AP3B2: variants seen among roughly 807,000 people sequenced by gnomAD.
AP3B2 encodes adaptor related protein complex 3 subunit beta 2.
In AP3B2, 50 loss-of-function variants were observed where a neutral mutation model predicts 126.9. The observed-to-expected ratio is 0.39, with a 90% confidence interval of 0.31 to 0.50. The LOEUF (loss-of-function observed/expected upper bound fraction) is 0.50, where lower values mean the gene tolerates loss of function less well. Among genes scored for constraint, AP3B2 ranks in the 20% least tolerant of loss-of-function variants. The pLI is 0.79. For missense variants in AP3B2, 1,177 were observed against 1,426.4 expected (o/e 0.83, Z 2.82); for synonymous variants, 541 against 565.0 (o/e 0.96, Z 0.60).
rs376550947 is a variant in AP3B2 at position 82,663,227 on chromosome 15, G to C, written c.2504C>G (p.Pro835Arg). ...ISLLDLEDFT[P>R]PSVQPVSPPA... ...GGGAGACACAGGCTGGACACTGGGA[G>C]GGGTGACTGTGGGAGTAGATAAGAC... The change falls in exon 22 of 27, where the codon CCT becomes CGT. Residue 835 changes from proline (P) to arginine (R), a missense_variant. Coordinates refer to ENST00000535359, the MANE Select transcript of AP3B2 (RefSeq NM_001278512.2). 2 of 1,612,360 alleles carry C rather than the reference G, an allele frequency of 1.2e-6. No homozygotes were observed. Among genetic ancestry groups the C allele is most frequent in the Non-Finnish European group, 8.5e-7 (1 of 1,179,232 alleles).
Position 82,662,908 on chromosome 15 carries a change from T to C in AP3B2, c.2619A>G (p.Val873=), listed in dbSNP as rs1330464152. ...GCAGCTCCTGCCGCCCAACACCCGATACTGGACTCAGAAGCTAGAGTGGAG... is the reference window on the plus strand; with the variant it reads ...GCAGCTCCTGCCGCCCAACACCCGACACTGGACTCAGAAGCTAGAGTGGAG... ...STLVPSLLSP[V]SGVGRQELLH... Residue 873 remains valine, a synonymous_variant, in exon 23 of 27, where the codon GTA becomes GTG. Transcript: ENST00000535359. 132 of 1,612,838 alleles carry C rather than the reference T, an allele frequency of 8.2e-5. 3 individuals carry two copies. In the Admixed American group the frequency reaches 2.2e-3, roughly 27 times the overall value.
rs2048346879 is a variant in AP3B2 at position 82,681,978 on chromosome 15, C to T, written c.361-398G>A. 6.6e-6 allele frequency among the ~76,000 whole-genome samples: 1 copy of T among 151,758 alleles called. No homozygotes were observed. Among genetic ancestry groups the T allele is most frequent in the Admixed American group, 6.6e-5 (1 of 15,218 alleles). On this transcript the variant is annotated intron_variant, in intron 4 of 26. Coordinates refer to ENST00000535359, the MANE Select transcript of AP3B2 (RefSeq NM_001278512.2). The surrounding 1 kb of genome is among the most constrained non-coding windows in gnomAD (Gnocchi z 4.0). ...GGAGTTCAACCTTACACTCCTTTCT[C>T]CCAGAAATCATTGCAAAAGCTGCTG... is the stretch of plus-strand genomic sequence containing the variant.
chr15:82,690,639 CTTCTTTTTT>C (rs2048511867), intron 1 of AP3B2, among the ~76,000 whole-genome samples: 1 of 103,456 alleles, frequency 9.7e-6, no homozygotes, highest in Non-Finnish European at 2.0e-5. Context: ...ACATTTTCTT[CTTCTTTTTT>C]TTTTTTTTTT....
In AP3B2 at chr15:82,663,124, C is replaced by G. The variant is rs1179736582; in HGVS notation, c.2604+3G>C. The G allele has an allele frequency of 6.2e-7, 1 of 1,606,918 alleles. No homozygotes were observed. ...GCCCGGTCCCCTCCTCCATCCCACT[C>G]ACCGACGGTACCAGGGTGGAGTCTG... On this transcript the variant is annotated splice_donor_region_variant and intron_variant, in intron 22 of 26. Coordinates refer to ENST00000535359, the MANE Select transcript of AP3B2 (RefSeq NM_001278512.2).
At chr15:82,702,190 C>A (rs1038525086) in intron 1 of AP3B2, among the ~76,000 whole-genome samples, 2 of 152,166 alleles carry the variant, frequency 1.3e-5, no homozygotes, top group African/African-American at 4.8e-5. Context: ...TCTCCTGGAA[C>A]CCAAATCGTA....
Position 82,689,335 on chromosome 15 carries a change from C to T in AP3B2, c.189+43G>A, listed in dbSNP as rs745320681. ...AGCTAAGGAGAGCTGCTCTTGGCCA[C>T]CCAGGCCCCGCCCGGAGGGAGGCCT... On this transcript the variant is annotated intron_variant, in intron 2 of 26. Coordinates refer to ENST00000535359, the MANE Select transcript of AP3B2 (RefSeq NM_001278512.2). The T allele has an allele frequency of 3.1e-6, 5 of 1,612,512 alleles. No individual in the cohort carries two copies. The South Asian group carries it at 5.5e-5, about 18-fold the overall frequency.
At chr15:82,706,540 A>AT (rs1000808903) in intron 1 of AP3B2, among the ~76,000 whole-genome samples, 1 of 152,214 alleles carries the variant, frequency 6.6e-6, no homozygotes, top group African/African-American at 2.4e-5. Context: ...ACTTATGCTG[A>AT]TAAGGTAGCT....
rs1380510503 is a variant in AP3B2, at chr15:82,679,830, C to T, written c.1111-30G>A. 3 of 1,604,268 alleles carry T rather than the reference C, an allele frequency of 1.9e-6. No homozygotes were observed. The South Asian group carries it at 3.3e-5, about 18-fold the overall frequency. On this transcript the variant is annotated intron_variant, in intron 9 of 26. Transcript: ENST00000535359. Reference sequence around the variant, plus strand: ...CACAAGAGAGGCAGCTAGGGAGCTCCACCGAAGCCCCAGGCCTGCCTCGCT... The same window carrying T: ...CACAAGAGAGGCAGCTAGGGAGCTCTACCGAAGCCCCAGGCCTGCCTCGCT...
At position 82,664,516 on chromosome 15, in the gene AP3B2, C is replaced by A; in HGVS notation, c.2138-26G>T. ...CTGTGGAGGAACAATATGAGGCCTC[C>A]TCCCTCATATGCAGGCCTCCTTGGG... On this transcript the variant is annotated intron_variant, in intron 18 of 26. Coordinates refer to ENST00000535359, the MANE Select transcript of AP3B2 (RefSeq NM_001278512.2). The surrounding 1 kb of genome is among the most constrained non-coding windows in gnomAD (Gnocchi z 4.5). The A allele has an allele frequency of 6.2e-7, 1 of 1,603,400 alleles. No individual in the cohort carries two copies.
intron 4 of AP3B2, among the ~76,000 whole-genome samples, chr15:82,683,048 T>C (rs1006502245): frequency 1.6e-4 from 6 of 36,686 alleles, no homozygotes; most frequent in African/African-American, 1.4e-3. Context: ...GCACCAGGAG[T>C]TTTTTTTTTT....
chr15:82,673,087 T>TA (rs1218612354), intron 14 of AP3B2, among the ~76,000 whole-genome samples: 1 of 152,216 alleles, frequency 6.6e-6, no homozygotes, highest in Non-Finnish European at 1.5e-5. Flanking sequence ...TCTCGACCCA[T>TA]AGACACTGAG....
rs2048272924 is a variant in AP3B2, at chr15:82,678,025, A to C, written c.1245+80T>G. 3 of 1,514,530 alleles carry C rather than the reference A, an allele frequency of 2.0e-6. No homozygotes were observed. The Admixed American group carries it at 5.4e-5, about 27-fold the overall frequency. 93.8% of individuals were successfully genotyped at this position (1,514,530 alleles called of 1,614,324 possible). A position where few individuals can be genotyped will look rare whatever the true frequency, so the allele number is the denominator to read the frequency against. On this transcript the variant is annotated intron_variant, in intron 11 of 26. Coordinates refer to ENST00000535359, the MANE Select transcript of AP3B2 (RefSeq NM_001278512.2). ...ATAGTTTCTCCAGCCTTGGGCTCATAAGAGGAGGTTTACCCACCAGGGCAC... is the reference window on the plus strand; with the variant it reads ...ATAGTTTCTCCAGCCTTGGGCTCATCAGAGGAGGTTTACCCACCAGGGCAC...
At position 82,664,520 on chromosome 15, in the gene AP3B2, C is replaced by T; in HGVS notation, c.2138-30G>A. 2 of 1,599,716 alleles carry T rather than the reference C, an allele frequency of 1.3e-6. No homozygotes were observed. The highest frequency in any genetic ancestry group is 1.7e-6 in the Non-Finnish European group (2 of 1,173,378). The stretch of plus-strand genomic sequence containing the variant: ...GGAGGAACAATATGAGGCCTCCTCC[C>T]TCATATGCAGGCCTCCTTGGGTCTG... On this transcript the variant is annotated intron_variant, in intron 18 of 26. Coordinates refer to ENST00000535359, the MANE Select transcript of AP3B2 (RefSeq NM_001278512.2). This position sits in a 1 kb window ranked among gnomAD's most constrained non-coding sequence, Gnocchi z 4.5.
chr15:82,709,382 C>T (rs2048843844), intron 1 of AP3B2, among the ~76,000 whole-genome samples: 1 of 151,936 alleles, frequency 6.6e-6, no homozygotes, highest in African/African-American at 2.4e-5. Flanking sequence ...ATCTGCCCCC[C>T]TCCGCGTCCT....
intron 11 of AP3B2, 26 bp downstream of exon 11, chr15:82,678,079 C>T (rs749785088): frequency 6.2e-7 from 1 of 1,611,972 alleles, no homozygotes; most frequent in African/African-American, 1.3e-5. Flanking sequence ...TCTCCCAGGC[C>T]CTTCTGGCTG....
intron 15 of AP3B2, 129 bp downstream of exon 15, chr15:82,666,618 G>T: frequency 9.9e-7 from 1 of 1,006,830 alleles, no homozygotes; most frequent in Non-Finnish European, 1.4e-6. Context: ...CAAAAGGAGT[G>T]AGCCAGGGAG....
In AP3B2 at chr15:82,663,932, CCTT is replaced by C. The variant is rs1567256094; in HGVS notation, c.2302_2304del (p.Lys768del). ...GACGCTTCTCCTTTTCTCTCTGGCA[CCTT>C]CTTCTTTGTCTTCCTCTTACCATCC... On this transcript the variant is annotated inframe_deletion, in exon 20 of 27. Coordinates refer to ENST00000535359, the MANE Select transcript of AP3B2 (RefSeq NM_001278512.2). 6.2e-6 allele frequency: 10 copies of C among 1,610,232 alleles called. No individual in the cohort carries two copies. The highest frequency in any genetic ancestry group is 1.7e-4 in the Middle Eastern group (1 of 6,060).
intron 14 of AP3B2, among the ~76,000 whole-genome samples, chr15:82,668,098 G>T (rs2048089383): frequency 6.6e-6 from 1 of 152,208 alleles, no homozygotes; most frequent in Admixed American, 6.5e-5. Context: ...ACATCAAGCA[G>T]ATGTCCATAA....
chr15:82,706,321 T>G (rs2048795007), intron 1 of AP3B2, among the ~76,000 whole-genome samples: 1 of 152,222 alleles, frequency 6.6e-6, no homozygotes, highest in South Asian at 2.1e-4. Flanking sequence ...TATGTGTCAA[T>G]ATTTATACTG....
Sources: allele counts gnomAD v4.1 joint callset (sites outside exome capture counted in the v4.1 genomes callset), GRCh38; gene constraint gnomAD v4.1.1; non-coding constraint Gnocchi (gnomAD v3.1); transcripts MANE v1.5; gene names NCBI Gene and HGNC (gene_info 2026-07-23, HGNC 2026-07-21).